The following ROBO2 variants were observed in gnomAD, a reference collection of about 807,000 sequenced individuals.
ROBO2 encodes the protein roundabout guidance receptor 2, also known as roundabout homolog 2.
Under a neutral mutation model 160.8 loss-of-function variants are expected in ROBO2, and 53 were observed. That is an observed-to-expected ratio of 0.33 (90% CI 0.26 to 0.41). The LOEUF (loss-of-function observed/expected upper bound fraction) is 0.41. Among genes scored for constraint, ROBO2 ranks in the 10% least tolerant of loss-of-function variants. ROBO2 has a pLI of 1.00. For synonymous variants in ROBO2, 664 were observed against 611.7 expected (o/e 1.09, Z -1.26); for missense variants, 1,577 against 1,722.4 (o/e 0.92, Z 1.49).
At chr3:76,205,512 G>A (rs139812892) in intron 2 of ROBO2, among the ~76,000 whole-genome samples, 2,399 of 152,242 alleles carry the variant, frequency 0.016, 37 homozygotes, top group Middle Eastern at 0.037. Context: ...CAGCTCGTCT[G>A]TATAGAGGAT....
chr3:76,957,059 G>A (rs1428204072), intron 2 of ROBO2, among the ~76,000 whole-genome samples: 1 of 152,010 alleles, frequency 6.6e-6, no homozygotes. Context: ...TAATACCTAA[G>A]TTTAAATACA....
intron 2 of ROBO2, among the ~76,000 whole-genome samples, chr3:76,648,294 A>G (rs1036174941): frequency 1.3e-5 from 2 of 152,178 alleles, no homozygotes; most frequent in African/African-American, 4.8e-5. Context: ...CTATGAGTCT[A>G]TAAGCATATA....
intron 2 of ROBO2, among the ~76,000 whole-genome samples, chr3:76,570,792 T>C (rs1306192912): frequency 6.6e-6 from 1 of 152,198 alleles, no homozygotes; most frequent in African/African-American, 2.4e-5. Context: ...CTTAAAGTCA[T>C]CCATCTAGTT....
intron 2 of ROBO2, among the ~76,000 whole-genome samples, chr3:76,747,234 T>G (rs1011431947): frequency 2.6e-5 from 4 of 152,290 alleles, no homozygotes; most frequent in African/African-American, 9.6e-5. Context: ...TCTGTTTAGT[T>G]TAGTTGAACA....
Position 77,040,670 on chromosome 3 carries a change from T to G in ROBO2, c.-116T>G, listed in dbSNP as rs931885508. 2 of 1,588,908 alleles carry G rather than the reference T, an allele frequency of 1.3e-6. No individual in the cohort carries two copies. The highest frequency in any genetic ancestry group is 1.8e-5 in the Admixed American group (1 of 56,908). On this transcript the variant is annotated 5_prime_UTR_variant, in exon 1 of 26. The change creates a new upstream start codon in the 5' untranslated region. Coordinates refer to ENST00000461745, the Ensembl canonical transcript of ROBO2. ...GCGATTTGCTCTTCTTGACTTTAAT[T>G]AGTATCTAGGAAAGTCTAAACTTTG... is the stretch of plus-strand genomic sequence containing the variant.
intron 2 of ROBO2, among the ~76,000 whole-genome samples, chr3:76,166,221 C>T (rs1425518758): frequency 6.6e-6 from 1 of 152,066 alleles, no homozygotes; most frequent in East Asian, 1.9e-4. Context: ...ATGAGACATA[C>T]CTGTACATAT....
chr3:75,938,057 A>G (rs1164997560), intron 2 of ROBO2, among the ~76,000 whole-genome samples: 2 of 151,850 alleles, frequency 1.3e-5, no homozygotes, highest in Non-Finnish European at 2.9e-5. Flanking sequence ...TAAAATTTCA[A>G]GAACCTATTC....
chr3:76,466,049 C>A (rs1434884726), intron 2 of ROBO2, among the ~76,000 whole-genome samples: 1 of 146,834 alleles, frequency 6.8e-6, no homozygotes, highest in Non-Finnish European at 1.5e-5. Context: ...TTGTCTAAAA[C>A]ATATATACAA....
At chr3:77,097,874 A>G (rs1466644062) in intron 1 of ROBO2, 140 bp from the exon 2 acceptor site, 11 of 697,718 alleles carry the variant, frequency 1.6e-5, no homozygotes, top group South Asian at 2.3e-5. Flanking sequence ...GACTTATGAG[A>G]TGCATACACA....
intron 2 of ROBO2, among the ~76,000 whole-genome samples, chr3:77,319,967 T>A (rs1239739829): frequency 2.0e-5 from 3 of 152,220 alleles, no homozygotes; most frequent in Non-Finnish European, 4.4e-5. Flanking sequence ...TGCAATTGTA[T>A]GCCTGATTGA....
chr3:75,969,855 G>T (rs1013046822), intron 2 of ROBO2, among the ~76,000 whole-genome samples: 3 of 151,434 alleles, frequency 2.0e-5, no homozygotes, highest in African/African-American at 7.3e-5. Context: ...TCATTTTGTT[G>T]AATGTTTGCT....
chr3:77,226,206 T>G (rs2151241630), intron 2 of ROBO2, among the ~76,000 whole-genome samples: 1 of 152,160 alleles, frequency 6.6e-6, no homozygotes, highest in East Asian at 1.9e-4. Context: ...TAAGGTTTTC[T>G]TAGAAAACAA....
At chr3:76,396,414 A>G (rs1205337995) in intron 2 of ROBO2, among the ~76,000 whole-genome samples, 1 of 152,184 alleles carries the variant, frequency 6.6e-6, no homozygotes, top group East Asian at 1.9e-4. Context: ...AACTGGCACA[A>G]GACAGGGATG....
At chr3:76,312,677 G>C (rs1378169445) in intron 2 of ROBO2, among the ~76,000 whole-genome samples, 1 of 152,182 alleles carries the variant, frequency 6.6e-6, no homozygotes, top group Non-Finnish European at 1.5e-5. Flanking sequence ...CTGGCCTTTA[G>C]TAGCTTAGGA....
intron 2 of ROBO2, among the ~76,000 whole-genome samples, chr3:76,907,745 G>A (rs1270080663): frequency 1.3e-5 from 2 of 151,802 alleles, no homozygotes; most frequent in Non-Finnish European, 2.9e-5. Flanking sequence ...AAATCTAATG[G>A]GAAATAATCA....
At chr3:76,238,347 G>A (rs1705076803) in intron 2 of ROBO2, among the ~76,000 whole-genome samples, 1 of 152,164 alleles carries the variant, frequency 6.6e-6, no homozygotes, top group South Asian at 2.1e-4. Context: ...GGTAGCAGGA[G>A]AGAGAAGAGT....
At chr3:77,532,907 G>A (rs1413292979) in intron 6 of ROBO2, among the ~76,000 whole-genome samples, 2 of 151,800 alleles carry the variant, frequency 1.3e-5, no homozygotes, top group Non-Finnish European at 2.9e-5. Context: ...GTAATTCTTG[G>A]AAGACACAGG....
chr3:77,015,556 C>T (rs980119000), intron 2 of ROBO2, among the ~76,000 whole-genome samples: 2 of 152,090 alleles, frequency 1.3e-5, no homozygotes. Flanking sequence ...ACAATGTTGG[C>T]GTTGGGTAGC....
At chr3:76,837,629 C>A (rs932845120) in intron 2 of ROBO2, among the ~76,000 whole-genome samples, 1 of 151,198 alleles carries the variant, frequency 6.6e-6, no homozygotes, top group Admixed American at 6.6e-5. Context: ...TTTTGGCATC[C>A]TCTATTTATA....
Sources: gnomAD v4.1 joint callset for allele counts (sites outside exome capture counted in the v4.1 genomes callset) on GRCh38, gnomAD v4.1.1 for gene constraint, MANE v1.5 for transcripts, NCBI Gene and HGNC (gene_info 2026-07-23, HGNC 2026-07-21) for gene names.